SUMF1: variants seen among roughly 807,000 people sequenced by gnomAD.
SUMF1 encodes sulfatase modifying factor 1.
A neutral mutation model predicts 47.6 loss-of-function variants in SUMF1; 48 were observed. The observed-to-expected ratio is 1.01, with a 90% CI of 0.80 to 1.28. The LOEUF is 1.28. Among genes scored for constraint, SUMF1 ranks in the 50% most tolerant of loss-of-function variants. The pLI, the probability that SUMF1 is intolerant of heterozygous loss-of-function variation, is 0.00. For missense variants in SUMF1, 571 were observed against 485.4 expected (o/e 1.18, Z -1.66); for synonymous variants, 230 against 192.1 (o/e 1.20, Z -1.63).
At chr3:4,043,420 C>G (rs1197157270) in intron 9 of SUMF1, among the ~76,000 whole-genome samples, 1 of 152,114 alleles carries the variant, frequency 6.6e-6, no homozygotes, top group Non-Finnish European at 1.5e-5. Context: ...GAAACTCCTC[C>G]TTTTCAAACT....
At chr3:4,074,215 T>A (rs2125039358) in intron 8 of SUMF1, among the ~76,000 whole-genome samples, 1 of 152,274 alleles carries the variant, frequency 6.6e-6, no homozygotes, top group Non-Finnish European at 1.5e-5. Flanking sequence ...ACATGGAAAC[T>A]GATCAACCTG....
At chr3:4,163,873 G>A (rs1026919286) in intron 8 of SUMF1, among the ~76,000 whole-genome samples, 4 of 152,150 alleles carry the variant, frequency 2.6e-5, no homozygotes, top group African/African-American at 4.8e-5. Context: ...TTGGAAAGGA[G>A]TGGGGAAGAC....
At chr3:4,405,142 C>T (rs1322925199) in intron 7 of SUMF1, among the ~76,000 whole-genome samples, 2 of 152,312 alleles carry the variant, frequency 1.3e-5, no homozygotes, top group Non-Finnish European at 2.9e-5. Flanking sequence ...TAAAAAACTA[C>T]TGTGAGTCCA....
intron 3 of SUMF1, among the ~76,000 whole-genome samples, chr3:4,440,486 C>T (rs975313654): frequency 5.3e-5 from 8 of 152,116 alleles, no homozygotes; most frequent in Admixed American, 5.2e-4. Context: ...GTAACTGGAT[C>T]GCATCCTTAT....
intron 8 of SUMF1, among the ~76,000 whole-genome samples, chr3:4,114,867 C>G (rs149145191): frequency 5.3e-5 from 8 of 152,060 alleles, no homozygotes; most frequent in African/African-American, 9.7e-5. Context: ...AAATATGTAG[C>G]CTTTATTTCT....
At chr3:4,255,075 G>C (rs1696913792) in intron 8 of SUMF1, among the ~76,000 whole-genome samples, 2 of 150,340 alleles carry the variant, frequency 1.3e-5, no homozygotes, top group East Asian at 1.9e-4. Flanking sequence ...GAGAGATTTT[G>C]TCACCACCAG....
intron 8 of SUMF1, among the ~76,000 whole-genome samples, chr3:4,163,095 T>C (rs1694615907): frequency 6.7e-6 from 1 of 149,806 alleles, no homozygotes; most frequent in Non-Finnish European, 1.5e-5. Context: ...TGTAAAGTCA[T>C]TGGGTGTTGA....
chr3:4,410,900 T>C lies in SUMF1; in HGVS notation c.919A>G (p.Thr307Ala), dbSNP rs999144536. 2 of 1,613,972 alleles carry C rather than the reference T, an allele frequency of 1.2e-6. No homozygotes were observed. The highest frequency in any genetic ancestry group is 1.3e-5 in the African/African-American group (1 of 74,924). ...GTTTCTTCAACAGAATGATGAACAGTCCACCAGTCTGAAGTCCATTCCCAT... is the reference window on the plus strand; with the variant it reads ...GTTTCTTCAACAGAATGATGAACAGCCCACCAGTCTGAAGTCCATTCCCAT... ...NAWEWTSDWWTVHHSVEETLN... is the reference protein window; with the variant it reads ...NAWEWTSDWWAVHHSVEETLN... The change falls in exon 7 of 9, where the codon ACT becomes GCT. Residue 307 changes from threonine to alanine, a missense_variant. Transcript: ENST00000272902.
chr3:4,420,088 C>T lies in SUMF1; in HGVS notation c.578G>A (p.Gly193Glu). ...CCTGTGCAGAATAGTAGAGTCAGGC[C>T]CTTCTGGGTGTCTCCAGTTAGCGCC... ...VKGANWRHPE[G>E]PDSTILHRPD... is the part of the protein sequence containing the mutation. Residue 193 changes from glycine (G) to glutamate (E), a missense_variant, in exon 4 of 9, where the codon GGG becomes GAG. Coordinates refer to ENST00000272902, the MANE Select transcript of SUMF1 (RefSeq NM_182760.4). 1 of 1,614,062 alleles carries T rather than the reference C, an allele frequency of 6.2e-7. No homozygotes were observed. Among genetic ancestry groups the T allele is most frequent in the Non-Finnish European group, 8.5e-7 (1 of 1,179,994 alleles).
chr3:4,298,925 G>C (rs1697911236), intron 8 of SUMF1, among the ~76,000 whole-genome samples: 1 of 152,066 alleles, frequency 6.6e-6, no homozygotes, highest in South Asian at 2.1e-4. Context: ...TTATTACTTT[G>C]CTTCTCCTGT....
intron 8 of SUMF1, among the ~76,000 whole-genome samples, chr3:4,355,390 G>C (rs935884447): frequency 2.6e-5 from 4 of 152,102 alleles, no homozygotes; most frequent in Non-Finnish European, 5.9e-5. Context: ...TGATTGAAGA[G>C]ATTAAAACGA....
At chr3:4,295,055 A>C (rs1697822445) in intron 8 of SUMF1, among the ~76,000 whole-genome samples, 1 of 152,192 alleles carries the variant, frequency 6.6e-6, no homozygotes, top group Non-Finnish European at 1.5e-5. Flanking sequence ...TGAAATATCT[A>C]AAAATAATTA....
intron 8 of SUMF1, among the ~76,000 whole-genome samples, chr3:4,372,599 A>T (rs1232612680): frequency 6.6e-6 from 1 of 152,188 alleles, no homozygotes; most frequent in Non-Finnish European, 1.5e-5. Context: ...TAAGCTAAGC[A>T]CTGTACCAAG....
intron 7 of SUMF1, among the ~76,000 whole-genome samples, chr3:4,380,770 A>G (rs59862983): frequency 0.07 from 10,618 of 152,258 alleles, 511 homozygotes; most frequent in African/African-American, 0.14. Context: ...CAAAACACAC[A>G]GGTTTCTACA....
intron 8 of SUMF1, among the ~76,000 whole-genome samples, chr3:4,211,607 G>T (rs1327154347): frequency 6.6e-6 from 1 of 151,968 alleles, no homozygotes; most frequent in Non-Finnish European, 1.5e-5. Context: ...AAAAAACATA[G>T]ACAAGTTCAA....
intron 1 of SUMF1, among the ~76,000 whole-genome samples, chr3:4,466,226 C>T (rs893984860): frequency 2.0e-4 from 31 of 152,310 alleles, no homozygotes; most frequent in East Asian, 3.9e-4. Context: ...ATTCTCCTGC[C>T]TCAGCCTCCC....
chr3:4,282,045 C>T (rs12493975), intron 8 of SUMF1, among the ~76,000 whole-genome samples: 50,467 of 152,028 alleles, frequency 0.33, 9,323 homozygotes, highest in Non-Finnish European at 0.43. Context: ...TTTTATTTAA[C>T]ATGACTGATT....
At position 4,083,705 on chromosome 3, in the gene SUMF1, C is replaced by T. The variant is rs569233428; in HGVS notation, c.1015-14960G>A. Among the ~76,000 whole-genome samples the T allele has an allele frequency of 2.0e-5, 3 of 152,186 alleles. No homozygotes were observed. The South Asian group carries it at 6.2e-4, about 32-fold the overall frequency. On this transcript the variant is annotated intron_variant and NMD_transcript_variant, in intron 8 of 12. Transcript: ENST00000448413. ...ACAAAATATGTAATGCCTTATTAGACACTGTACAAAGATATATGTGACATC... is the reference window on the plus strand; with the variant it reads ...ACAAAATATGTAATGCCTTATTAGATACTGTACAAAGATATATGTGACATC...
At chr3:4,266,337 C>G (rs371399424) in intron 8 of SUMF1, among the ~76,000 whole-genome samples, 3 of 151,984 alleles carry the variant, frequency 2.0e-5, no homozygotes, top group Admixed American at 6.6e-5. Flanking sequence ...GCCATTTTCA[C>G]GATATTGATT....
Sources: allele counts gnomAD v4.1 joint callset (sites outside exome capture counted in the v4.1 genomes callset), GRCh38; gene constraint gnomAD v4.1.1; transcripts MANE v1.5; gene names NCBI Gene and HGNC (gene_info 2026-07-23, HGNC 2026-07-21).